DIP2B: variants seen among roughly 807,000 people sequenced by gnomAD.
DIP2B encodes DIP2 acetate--CoA ligase B (putative).
Under a neutral mutation model 198.0 loss-of-function variants are expected in DIP2B, and 76 were observed. That is an observed-to-expected ratio of 0.38 (90% confidence interval 0.32 to 0.46). The LOEUF (loss-of-function observed/expected upper bound fraction) is 0.46. Among genes scored for constraint, DIP2B ranks in the 20% least tolerant of loss-of-function variants. The pLI, the probability that DIP2B is intolerant of heterozygous loss-of-function variation, is 0.99. For missense variants in DIP2B, 1,559 were observed against 1,978.4 expected, an observed-to-expected ratio of 0.79 and a Z score of 4.02; for synonymous variants, 701 against 739.1, an observed-to-expected ratio of 0.95 and a Z score of 0.84.
chr12:50,662,268 G>T (rs1391797920), intron 4 of DIP2B, among the ~76,000 whole-genome samples: 2 of 152,194 alleles, frequency 1.3e-5, no homozygotes, highest in Non-Finnish European at 2.9e-5. Flanking sequence ...GGTAGTATCT[G>T]AGAAGGCTTC....
At chr12:50,607,315 T>TAG (rs1242710411) in intron 1 of DIP2B, among the ~76,000 whole-genome samples, 2 of 152,174 alleles carry the variant, frequency 1.3e-5, no homozygotes, top group African/African-American at 4.8e-5. Context: ...CCAGGAAACT[T>TAG]AACTAACATA....
intron 3 of DIP2B, among the ~76,000 whole-genome samples, chr12:50,651,817 C>T (rs1021706277): frequency 2.0e-5 from 3 of 152,118 alleles, no homozygotes; most frequent in Admixed American, 6.5e-5. Flanking sequence ...CGATTCTCCC[C>T]GCTCAGCCTC....
chr12:50,627,690 C>A (rs1196298316), intron 2 of DIP2B, among the ~76,000 whole-genome samples: 1 of 152,210 alleles, frequency 6.6e-6, no homozygotes, highest in Non-Finnish European at 1.5e-5. Flanking sequence ...ATAATGGGAA[C>A]CAAATCATTT....
chr12:50,557,494 T>C (rs554097613), intron 1 of DIP2B, among the ~76,000 whole-genome samples: 1 of 152,312 alleles, frequency 6.6e-6, no homozygotes, highest in South Asian at 2.1e-4. Flanking sequence ...TGTACATTCT[T>C]ACTTTACACA....
At chr12:50,607,543 G>C (rs1317453534) in intron 1 of DIP2B, among the ~76,000 whole-genome samples, 1 of 152,042 alleles carries the variant, frequency 6.6e-6, no homozygotes, top group Non-Finnish European at 1.5e-5. Flanking sequence ...TTCTACTACT[G>C]AAAAGAAGGC....
Position 50,744,587 on chromosome 12 carries a change from T to G in DIP2B, c.4479T>G (p.Cys1493Trp). 6.2e-7 allele frequency: 1 copy of G among 1,611,784 alleles called. No homozygotes were observed. ...VSRIHRSIAE[C>W]AVFTWTNLLV... ...TAATGAATTGTCATTGAAATTTCAG[T>G]GCCGTGTTCACATGGACCAACTTGC... Residue 1493 changes from cysteine (C) to tryptophan (W), a missense_variant and splice_region_variant, in exon 38 of 38, where the codon TGT becomes TGG. By Grantham distance (215) the Cys-to-Trp change is radical. Transcript: ENST00000301180.
chr12:50,700,057 A>C (rs1474856744), intron 19 of DIP2B, among the ~76,000 whole-genome samples: 1 of 152,206 alleles, frequency 6.6e-6, no homozygotes, highest in African/African-American at 2.4e-5. Flanking sequence ...CAGGTTGCTC[A>C]TATTATTCAG....
intron 27 of DIP2B, 58 bp from the exon 28 acceptor site, chr12:50,724,717 G>T: frequency 6.7e-7 from 1 of 1,502,772 alleles, no homozygotes. Context: ...GCCAGGGCCT[G>T]TGGTGCCATG....
At chr12:50,524,960 G>T (rs894513071) in intron 1 of DIP2B, among the ~76,000 whole-genome samples, 5 of 152,066 alleles carry the variant, frequency 3.3e-5, no homozygotes, top group Non-Finnish European at 7.3e-5. Context: ...TCTTGGGCTC[G>T]AGCAATCCTC....
At chr12:50,542,990 C>G (rs568573333) in intron 1 of DIP2B, among the ~76,000 whole-genome samples, 1 of 152,212 alleles carries the variant, frequency 6.6e-6, no homozygotes. Flanking sequence ...ACCTCAGCCT[C>G]CTAAGTAGCT....
Position 50,505,001 on chromosome 12 carries a change from T to TGGC in DIP2B, c.-119_-117dup, listed in dbSNP as rs574938327. On this transcript the variant is annotated 5_prime_UTR_variant, in exon 1 of 38. Transcript: ENST00000301180. Reference sequence around the variant, plus strand: ...GTCGCGCTCACGTGACCTTTGCTCATGGCGGCGGCGGCGGCGGCGGCGGTG... The same window carrying TGGC: ...GTCGCGCTCACGTGACCTTTGCTCATGGCGGCGGCGGCGGCGGCGGCGGCGGTG... The TGGC allele has an allele frequency of 0.026, 17,042 of 650,876 alleles. 1,097 individuals carry two copies. The highest frequency in any genetic ancestry group is 0.031 in the Non-Finnish European group (11,900 of 384,956). 40.3% of individuals were successfully genotyped at this position (650,876 alleles called of 1,614,324 possible).
chr12:50,651,888 A>C (rs1938459507), intron 3 of DIP2B, among the ~76,000 whole-genome samples: 1 of 152,104 alleles, frequency 6.6e-6, no homozygotes, highest in African/African-American at 2.4e-5. Flanking sequence ...TTTCAAAATA[A>C]GGAAATAAAG....
rs560196156 is a variant in DIP2B, at chr12:50,671,082, A to T, written c.428-104A>T. The T allele has an allele frequency of 2.8e-6, 3 of 1,082,776 alleles. No homozygotes were observed. The African/African-American group carries it at 4.7e-5, about 17-fold the overall frequency. 67.1% of individuals were successfully genotyped at this position (1,082,776 alleles called of 1,614,324 possible). ...ATATTAATCTACCTTAAGAATGCGAATGTTTTGCTGGTGTCGAAACTGAAT... is the reference window on the plus strand; with the variant it reads ...ATATTAATCTACCTTAAGAATGCGATTGTTTTGCTGGTGTCGAAACTGAAT... On this transcript the variant is annotated intron_variant, in intron 4 of 37. Coordinates refer to ENST00000301180, the MANE Select transcript of DIP2B (RefSeq NM_173602.3).
intron 1 of DIP2B, among the ~76,000 whole-genome samples, chr12:50,573,498 T>G (rs1428120085): frequency 1.3e-5 from 2 of 152,184 alleles, no homozygotes; most frequent in Non-Finnish European, 2.9e-5. Context: ...TCTTATAACC[T>G]TATCTTTTAA....
At position 50,683,498 on chromosome 12, in the gene DIP2B, G is replaced by A. The variant is rs1156865062; in HGVS notation, c.1317+250G>A. ...ATATCATTTAAAATATCACTGGGGC[G>A]AGGCCGGGCGCAGTGGCTCACGCCT... On this transcript the variant is annotated intron_variant, in intron 10 of 37. Transcript: ENST00000301180. 2.0e-5 allele frequency among the ~76,000 whole-genome samples: 3 copies of A among 152,042 alleles called. No homozygotes were observed. The South Asian group carries it at 6.2e-4, about 32-fold the overall frequency.
intron 12 of DIP2B, among the ~76,000 whole-genome samples, chr12:50,688,644 T>A (rs1939171369): frequency 6.6e-6 from 1 of 152,050 alleles, no homozygotes; most frequent in South Asian, 2.1e-4. Context: ...AGAGCACAAT[T>A]CTGTCTCAAA....
intron 17 of DIP2B, among the ~76,000 whole-genome samples, chr12:50,698,096 G>C (rs925278363): frequency 2.0e-5 from 3 of 149,984 alleles, no homozygotes. Flanking sequence ...GGGTCCCACT[G>C]TGTTGCCCAG....
intron 1 of DIP2B, among the ~76,000 whole-genome samples, chr12:50,511,781 C>T (rs1373825385): frequency 1.3e-5 from 2 of 151,390 alleles, no homozygotes; most frequent in African/African-American, 2.4e-5. Flanking sequence ...AATCTTGTCT[C>T]TACTAAAAAT....
Position 50,747,299 on chromosome 12 carries a change from C to G in DIP2B, c.*2460C>G, listed in dbSNP as rs1408409939. ...TGTTAATCTCAAAGTGTGGCCAACTCCCATTTACTTAGAGGCTGATTATCT... is the reference window on the plus strand; with the variant it reads ...TGTTAATCTCAAAGTGTGGCCAACTGCCATTTACTTAGAGGCTGATTATCT... On this transcript the variant is annotated 3_prime_UTR_variant, in exon 38 of 38. Transcript: ENST00000301180. The G allele has an allele frequency of 6.6e-6, 1 of 152,162 alleles. No individual in the cohort carries two copies. The highest frequency in any genetic ancestry group is 1.9e-4 in the East Asian group (1 of 5,204). 9.4% of individuals were successfully genotyped at this position (152,162 alleles called of 1,614,324 possible). A position where few individuals can be genotyped will look rare whatever the true frequency, so the allele number is the denominator to read the frequency against.
Sources: gnomAD v4.1 joint callset for allele counts (sites outside exome capture counted in the v4.1 genomes callset) on GRCh38, gnomAD v4.1.1 for gene constraint, MANE v1.5 for transcripts, NCBI Gene and HGNC (gene_info 2026-07-23, HGNC 2026-07-21) for gene names.